The following CDH23 variants were observed in gnomAD, a reference collection of about 807,000 sequenced individuals.
CDH23 encodes cadherin related 23.
A neutral mutation model predicts 317.1 loss-of-function variants in CDH23; 189 were observed. That is an observed-to-expected ratio of 0.60 (90% CI 0.53 to 0.67). CDH23 has a LOEUF of 0.67. Ranked by LOEUF, CDH23 falls within the 30% of genes least tolerant of loss-of-function variation. The pLI, the probability that CDH23 is intolerant of heterozygous loss-of-function variation, is 0.00. For missense variants in CDH23, 4,401 were observed against 4,592.4 expected, an observed-to-expected ratio of 0.96 and a Z score of 1.20; for synonymous variants, 1,839 against 1,876.8, an observed-to-expected ratio of 0.98 and a Z score of 0.52.
intron 13 of CDH23, among the ~76,000 whole-genome samples, 152 bp from the exon 14 acceptor site, chr10:71,646,307 C>G (rs560399900): frequency 6.6e-6 from 1 of 152,188 alleles, no homozygotes; most frequent in African/African-American, 2.4e-5. Context: ...CAATAACAGA[C>G]GGGCTCGCAG....
chr10:71,660,981 G>A (rs10999936), intron 14 of CDH23, among the ~76,000 whole-genome samples: 14,402 of 152,204 alleles, frequency 0.095, 1,627 homozygotes, highest in African/African-American at 0.25. Flanking sequence ...ATGACAACCT[G>A]GTGAGGCTGA....
chr10:71,598,120 C>T (rs1186505608), intron 9 of CDH23, among the ~76,000 whole-genome samples: 4 of 152,228 alleles, frequency 2.6e-5, no homozygotes, highest in Middle Eastern at 3.2e-3. Context: ...TAATTAAAGC[C>T]GTAAGTCATC....
intron 1 of CDH23, among the ~76,000 whole-genome samples, chr10:71,409,834 C>T (rs1185945301): frequency 6.6e-6 from 1 of 152,164 alleles, no homozygotes; most frequent in African/African-American, 2.4e-5. Context: ...TAGAACCAGG[C>T]TTTCAGGAGG....
At chr10:71,788,701 C>G (rs1056840877) in intron 44 of CDH23, among the ~76,000 whole-genome samples, 2 of 152,160 alleles carry the variant, frequency 1.3e-5, no homozygotes, top group Non-Finnish European at 2.9e-5. Flanking sequence ...GTGATCTGCC[C>G]GTCTTGGCCT....
chr10:71,645,286 C>G (rs1862781564), intron 12 of CDH23, among the ~76,000 whole-genome samples: 1 of 152,224 alleles, frequency 6.6e-6, no homozygotes, highest in Admixed American at 6.5e-5. Flanking sequence ...CATTGCCACT[C>G]AGTCTCTGGG....
At chr10:71,550,499 G>T (rs1053559687) in intron 6 of CDH23, among the ~76,000 whole-genome samples, 3 of 140,360 alleles carry the variant, frequency 2.1e-5, no homozygotes, top group African/African-American at 8.0e-5. Flanking sequence ...ATTTCAGGCT[G>T]CAGTAAGCTG....
chr10:71,760,675 T>C (rs1564780617), intron 38 of CDH23: 2 of 602,974 alleles, frequency 3.3e-6, no homozygotes, highest in African/African-American at 1.9e-5. Context: ...CCAGAGCAGA[T>C]GGAAGGAGAG....
At position 71,751,137 on chromosome 10, in the gene CDH23, A is replaced by G; in HGVS notation, c.4845+9216A>G. On this transcript the variant is annotated intron_variant, in intron 38 of 69. Coordinates refer to ENST00000224721, the MANE Select transcript of CDH23 (RefSeq NM_022124.6). The surrounding 1 kb of genome is among the most constrained non-coding windows in gnomAD (Gnocchi z 4.9). ...CTGGGATGTCACAGTATCTGAGCCC[A>G]GAGCAGGAGGGAGGGAACCAGGGCC... The G allele has an allele frequency of 8.1e-7, 1 of 1,242,198 alleles. No individual in the cohort carries two copies. The highest frequency in any genetic ancestry group is 1.1e-6 in the Non-Finnish European group (1 of 893,738). 76.9% of individuals were successfully genotyped at this position (1,242,198 alleles called of 1,614,324 possible).
intron 28 of CDH23, 141 bp downstream of exon 28, chr10:71,712,954 G>T: frequency 2.9e-6 from 3 of 1,027,786 alleles, no homozygotes; most frequent in Non-Finnish European, 2.9e-6. Flanking sequence ...GGAAGGTGCT[G>T]TGGGGAAAGG....
In CDH23 at chr10:71,682,549, G is replaced by T; in HGVS notation, c.1963G>T (p.Val655Phe). 2 of 1,613,524 alleles carry T rather than the reference G, an allele frequency of 1.2e-6. No homozygotes were observed. The highest frequency in any genetic ancestry group is 1.7e-6 in the Non-Finnish European group (2 of 1,179,696). ...TGGCAACCCCCCTCTCAACAGCACC[G>T]TCCCTGTCACCATCGAGGTGTTTGT... ...DAGNPPLNST[V>F]PVTIEVFDEN... Residue 655 changes from valine to phenylalanine, a missense_variant, in exon 18 of 70, where the codon GTC becomes TTC. This residue lies in a region of CDH23 where 3,068 missense variants were observed against 3,203.3 expected (regional missense o/e 0.96). Transcript: ENST00000224721.
intron 3 of CDH23, among the ~76,000 whole-genome samples, chr10:71,478,520 G>A (rs139040648): frequency 2.6e-5 from 4 of 152,330 alleles, no homozygotes; most frequent in Non-Finnish European, 5.9e-5. Context: ...ATCCTGAGCA[G>A]CCCTGCATGA....
intron 14 of CDH23, among the ~76,000 whole-genome samples, chr10:71,667,498 G>C (rs910613978): frequency 1.3e-5 from 2 of 151,900 alleles, no homozygotes; most frequent in Admixed American, 1.3e-4. Flanking sequence ...AGTGTGCAGG[G>C]GGTACAGGAT....
chr10:71,617,114 C>G, intron 10 of CDH23, 91 bp from the exon 11 acceptor site: 1 of 1,487,160 alleles, frequency 6.7e-7, no homozygotes. Context: ...CATTGAGGCA[C>G]AGTGGCTGGT....
chr10:71,734,545 GCACCTCCAGAGACA>G, intron 33 of CDH23, 97 bp from the exon 34 acceptor site: 3 of 1,605,808 alleles, frequency 1.9e-6, no homozygotes, highest in Non-Finnish European at 2.6e-6. Flanking sequence ...GTGGAGGGTG[GCACCTCCAGAGACA>G]CTGCCGGGAG....
intron 8 of CDH23, 83 bp from the exon 9 acceptor site, chr10:71,577,831 G>A: frequency 8.4e-7 from 1 of 1,195,274 alleles, no homozygotes; most frequent in African/African-American, 1.5e-5. Flanking sequence ...GCCTGGGGAG[G>A]GAAGCTGTGG....
At chr10:71,678,596 C>A (rs1008773329) in intron 16 of CDH23, among the ~76,000 whole-genome samples, 1 of 152,206 alleles carries the variant, frequency 6.6e-6, no homozygotes, top group African/African-American at 2.4e-5. Flanking sequence ...AACATGTGCC[C>A]GCCCAGCCTG....
At chr10:71,429,970 G>A (rs963647165) in intron 1 of CDH23, among the ~76,000 whole-genome samples, 2 of 152,222 alleles carry the variant, frequency 1.3e-5, no homozygotes, top group African/African-American at 4.8e-5. Flanking sequence ...TTCCAGCAGC[G>A]TTCCAAGGTG....
At chr10:71,453,994 G>C (rs1850572428) in intron 3 of CDH23, among the ~76,000 whole-genome samples, 1 of 152,218 alleles carries the variant, frequency 6.6e-6, no homozygotes, top group Admixed American at 6.5e-5. Context: ...ATCAACTTTG[G>C]TTGGAGTTAA....
intron 14 of CDH23, among the ~76,000 whole-genome samples, chr10:71,653,375 CCTCTGCT>C (rs545653514): frequency 1.4e-3 from 206 of 152,360 alleles, no homozygotes; most frequent in African/African-American, 4.7e-3. Context: ...AGGGCCTCTC[CCTCTGCT>C]CTGTAACTGT....
Sources: allele counts gnomAD v4.1 joint callset (sites outside exome capture counted in the v4.1 genomes callset), GRCh38; gene constraint gnomAD v4.1.1; regional missense constraint gnomAD v4.1.1; non-coding constraint Gnocchi (gnomAD v3.1); transcripts MANE v1.5; gene names NCBI Gene and HGNC (gene_info 2026-07-23, HGNC 2026-07-21).